The following TECTA variants were observed in gnomAD, a reference collection of about 807,000 sequenced individuals.
TECTA encodes alpha-tectorin.
Under a neutral mutation model 216.8 loss-of-function variants are expected in TECTA, and 128 were observed. The ratio of observed to expected loss-of-function variants is 0.59; its 90% confidence interval spans 0.51 to 0.68. The LOEUF (loss-of-function observed/expected upper bound fraction) is 0.68. TECTA is among the 30% of genes least tolerant of loss of function. TECTA has a pLI of 0.00. For missense variants in TECTA, 2,551 were observed against 2,786.2 expected, an observed-to-expected ratio of 0.92 and a Z score of 1.90; for synonymous variants, 1,089 against 1,117.1, an observed-to-expected ratio of 0.97 and a Z score of 0.50.
chr11:121,113,837 G>A lies in TECTA; in HGVS notation c.790+119G>A, dbSNP rs538166249. ...TGCCTTACTCTTTTGACATCTCTCC[G>A]CTGGGTAATGGAGATCAAGGTAATT... On this transcript the variant is annotated intron_variant, in intron 6 of 23. Coordinates refer to ENST00000392793, the MANE Select transcript of TECTA (RefSeq NM_005422.4). This position sits in a 1 kb window ranked among gnomAD's most constrained non-coding sequence, Gnocchi z 4.2. 1.1e-5 allele frequency: 13 copies of A among 1,202,688 alleles called. No individual in the cohort carries two copies. The highest frequency in any genetic ancestry group is 1.5e-5 in the African/African-American group (1 of 66,378). The allele number at this position is 1,202,688 out of a possible 1,614,324, so 74.5% of individuals were successfully genotyped here.
chr11:121,145,798 G>T lies in TECTA; in HGVS notation c.3787G>T (p.Val1263Phe), dbSNP rs1946829733. Residue 1263 changes from valine to phenylalanine, a missense_variant, in exon 12 of 24, where the codon GTC becomes TTC. Physicochemically the swap from Val to Phe is conservative, Grantham distance 50. Coordinates refer to ENST00000392793, the MANE Select transcript of TECTA (RefSeq NM_005422.4). ...GCCCATGGGTCTGCTTGCATCGAGT[G>T]TCAATGAGTTTGGGCAGAGCTGGGT... ...EMPMGLLASSVNEFGQSWVKR... is the reference protein window; with the variant it reads ...EMPMGLLASSFNEFGQSWVKR... 2 of 1,614,218 alleles carry T rather than the reference G, an allele frequency of 1.2e-6. No individual in the cohort carries two copies. Among genetic ancestry groups the T allele is most frequent in the African/African-American group, 2.7e-5 (2 of 75,048 alleles).
intron 12 of TECTA, among the ~76,000 whole-genome samples, chr11:121,152,626 T>C (rs1175888256): frequency 4.6e-5 from 7 of 152,088 alleles, no homozygotes; most frequent in Non-Finnish European, 1.0e-4. Flanking sequence ...ATGGCCAGGC[T>C]GAGGTGAGGA....
Position 121,128,310 on chromosome 11 carries a change from T to C in TECTA, c.2333T>C (p.Val778Ala). ...CGGATCCTGGTGGCCGACCAGGAGG[T>C]CAAGATAGGAGGCATCGGGGCTTCG... ...GLRILVADQE[V>A]KIGGIGASEV... The change falls in exon 9 of 24, where the codon GTC (valine) becomes GCC (alanine). Residue 778 changes from valine (V) to alanine (A), a missense_variant. Transcript: ENST00000392793. The C allele has an allele frequency of 6.3e-7, 1 of 1,599,354 alleles. No individual in the cohort carries two copies. Among genetic ancestry groups the C allele is most frequent in the South Asian group, 1.1e-5 (1 of 91,046 alleles).
chr11:121,166,803 G>T (rs1947058239), intron 18 of TECTA, 23 bp downstream of exon 18: 1 of 1,612,410 alleles, frequency 6.2e-7, no homozygotes, highest in African/African-American at 1.3e-5. Context: ...GCAGGAAAGA[G>T]CACCTGGCAG....
At chr11:121,152,774 C>G in intron 12 of TECTA, 107 bp from the exon 13 acceptor site, 2 of 1,204,566 alleles carry the variant, frequency 1.7e-6, no homozygotes, top group South Asian at 2.9e-5. Flanking sequence ...TGGCTCCTGC[C>G]TCTCCCCGTG....
rs369928227 is a variant in TECTA, at chr11:121,118,034, T to C, written c.791-272T>C. On this transcript the variant is annotated intron_variant, in intron 6 of 23. Coordinates refer to ENST00000392793, the MANE Select transcript of TECTA (RefSeq NM_005422.4). ...TGAATGTGAGTTTGCTCACCAGCCA[T>C]GGAGATAATAATACCAAGAGCTTAG... is the stretch of plus-strand genomic sequence containing the variant. 4.6e-5 allele frequency among the ~76,000 whole-genome samples: 7 copies of C among 152,308 alleles called. No individual in the cohort carries two copies. The South Asian group carries it at 1.4e-3, about 32-fold the overall frequency.
chr11:121,161,508 G>A (rs904442933), intron 15 of TECTA, among the ~76,000 whole-genome samples: 2 of 112,410 alleles, frequency 1.8e-5, no homozygotes, highest in African/African-American at 6.6e-5. Context: ...GTTTGGATTT[G>A]GCCGGCCTGC....
intron 10 of TECTA, among the ~76,000 whole-genome samples, chr11:121,134,460 C>T (rs760812449): frequency 1.3e-5 from 2 of 152,124 alleles, no homozygotes; most frequent in South Asian, 2.1e-4. Flanking sequence ...GGTGAGCCCC[C>T]GGGGAGGGAC....
chr11:121,131,907 A>G (rs1946678633), intron 10 of TECTA, among the ~76,000 whole-genome samples: 2 of 152,164 alleles, frequency 1.3e-5, no homozygotes, highest in African/African-American at 4.8e-5. Context: ...GAGGCCTCTG[A>G]TGTTGGTTTG....
intron 11 of TECTA, among the ~76,000 whole-genome samples, chr11:121,142,452 A>T (rs1946793585): frequency 6.6e-6 from 1 of 152,152 alleles, no homozygotes; most frequent in African/African-American, 2.4e-5. Flanking sequence ...AGAGAAGCCG[A>T]GCCTGTCTGA....
At chr11:121,165,243 G>T (rs1322772292) in intron 16 of TECTA, 30 bp from the exon 17 acceptor site, 1 of 1,564,196 alleles carries the variant, frequency 6.4e-7, no homozygotes, top group Non-Finnish European at 8.7e-7. Flanking sequence ...AAATGAAGTT[G>T]TGCATGTTTC....
At chr11:121,128,675 A>G (rs1166095587) in intron 9 of TECTA, among the ~76,000 whole-genome samples, 1 of 152,194 alleles carries the variant, frequency 6.6e-6, no homozygotes, top group Non-Finnish European at 1.5e-5. Context: ...CATTTTACAG[A>G]TGAGAAAGCT....
chr11:121,190,159 C>T lies in TECTA; in HGVS notation c.6367+279C>T, dbSNP rs931818959. 3 of 426,470 alleles carry T rather than the reference C, an allele frequency of 7.0e-6. No homozygotes were observed. The Admixed American group carries it at 1.1e-4, about 15-fold the overall frequency. The allele number at this position is 426,470 out of a possible 1,614,324, so 26.4% of individuals were successfully genotyped here. A position where few individuals can be genotyped will look rare whatever the true frequency, so the allele number is the denominator to read the frequency against. ...GCCAATTTTAAGGACCATATATTGG[C>T]CTACATCTGGCTGCCAAGTCTACTT... On this transcript the variant is annotated intron_variant, in intron 23 of 23. Transcript: ENST00000392793.
At chr11:121,124,895 G>T (rs551187107) in intron 7 of TECTA, among the ~76,000 whole-genome samples, 5 of 152,352 alleles carry the variant, frequency 3.3e-5, no homozygotes, top group African/African-American at 1.2e-4. Context: ...CAGGAAGGGG[G>T]TCCTGGAAAA....
chr11:121,104,357 T>C (rs552601305), intron 2 of TECTA, among the ~76,000 whole-genome samples: 1 of 152,282 alleles, frequency 6.6e-6, no homozygotes, highest in East Asian at 1.9e-4. Context: ...ATACAGCTCA[T>C]GGGCCCAGAG....
At chr11:121,133,653 G>A (rs1946696773) in intron 10 of TECTA, among the ~76,000 whole-genome samples, 1 of 152,148 alleles carries the variant, frequency 6.6e-6, no homozygotes, top group African/African-American at 2.4e-5. Flanking sequence ...ACCCTCCATT[G>A]GGGTTGATGT....
At chr11:121,169,255 A>G (rs1947087606) in intron 20 of TECTA, among the ~76,000 whole-genome samples, 2 of 152,224 alleles carry the variant, frequency 1.3e-5, no homozygotes. Context: ...AGAATGTGGA[A>G]TTCTGCAAAT....
At chr11:121,111,831 C>T (rs955749593) in intron 4 of TECTA, among the ~76,000 whole-genome samples, 3 of 152,182 alleles carry the variant, frequency 2.0e-5, no homozygotes, top group Non-Finnish European at 2.9e-5. Flanking sequence ...AGACTGAAGG[C>T]GTTTACCTGA....
intron 7 of TECTA, 94 bp downstream of exon 7, chr11:121,118,812 G>C: frequency 6.6e-7 from 1 of 1,523,630 alleles, no homozygotes; most frequent in South Asian, 1.1e-5. Context: ...TCTGCTGTTT[G>C]TCTCTGTACA....
Sources: gnomAD v4.1 joint callset for allele counts (sites outside exome capture counted in the v4.1 genomes callset) on GRCh38, gnomAD v4.1.1 for gene constraint, Gnocchi (gnomAD v3.1) non-coding constraint, MANE v1.5 for transcripts, NCBI Gene and HGNC (gene_info 2026-07-23, HGNC 2026-07-21) for gene names.